ZNF268: variants seen among roughly 807,000 people sequenced by gnomAD.
The protein encoded by ZNF268 is zinc finger protein 268.
A neutral mutation model predicts 29.3 loss-of-function variants in ZNF268; 20 were observed. The ratio of observed to expected loss-of-function variants is 0.68; its 90% CI spans 0.48 to 0.99. ZNF268 has a LOEUF of 0.99. Among genes scored for constraint, ZNF268 ranks in the 50% least tolerant of loss-of-function variants. The probability of loss-of-function intolerance (pLI) is 0.00; values close to 1 mark genes in which losing one functional copy is unlikely to be tolerated. For synonymous variants in ZNF268, 429 were observed against 376.9 expected, an observed-to-expected ratio of 1.14 and a Z score of -1.60; for missense variants, 1,240 against 1,121.6, an observed-to-expected ratio of 1.11 and a Z score of -1.51.
Position 133,193,061 on chromosome 12 carries a change from TCTG to T in ZNF268, c.457+1063_457+1065del, listed in dbSNP as rs1180022485. On this transcript the variant is annotated intron_variant, in intron 5 of 5. Coordinates refer to ENST00000536435, the MANE Select transcript of ZNF268 (RefSeq NM_003415.3). Reference sequence around the variant, plus strand: ...CAGTGACACCTGTTGATCCTGCTCTTCTGCTGCATGACCGAGCACTTTTTCCCT... The same window carrying T: ...CAGTGACACCTGTTGATCCTGCTCTTCTGCATGACCGAGCACTTTTTCCCT... Among the ~76,000 whole-genome samples the T allele has an allele frequency of 5.3e-5, 8 of 152,328 alleles. No individual in the cohort carries two copies. The East Asian group carries it at 1.4e-3, about 26-fold the overall frequency.
chr12:133,184,196 C>G (rs762594953), intron 2 of ZNF268, among the ~76,000 whole-genome samples: 1 of 152,040 alleles, frequency 6.6e-6, no homozygotes, highest in East Asian at 1.9e-4. Flanking sequence ...ACCTCTGCCT[C>G]CCGGGTTCAA....
At chr12:133,184,613 ATTTATTTATTTG>A (rs1441546585) in intron 2 of ZNF268, 3 of 360,798 alleles carry the variant, frequency 8.3e-6, no homozygotes, top group Non-Finnish European at 1.7e-5. Context: ...CTCTTTATTT[ATTTATTTATTTG>A]TTTATTTTTT....
Position 133,206,490 on chromosome 12 carries a change from TACTC to T in ZNF268, c.*1963_*1966del. Reference sequence around the variant, plus strand: ...GTGGTGAAAAACTCTGCCAGTTGCTTACTCACAAAGTTAGTTTTCTTCACTACCT... The same window carrying T: ...GTGGTGAAAAACTCTGCCAGTTGCTTACAAAGTTAGTTTTCTTCACTACCT... On this transcript the variant is annotated 3_prime_UTR_variant, in exon 6 of 6. Coordinates refer to ENST00000536435, the MANE Select transcript of ZNF268 (RefSeq NM_003415.3). 6.6e-6 allele frequency: 1 copy of T among 152,326 alleles called. No individual in the cohort carries two copies. The highest frequency in any genetic ancestry group is 1.9e-4 in the East Asian group (1 of 5,188). 9.4% of individuals were successfully genotyped at this position (152,326 alleles called of 1,614,324 possible).
At chr12:133,200,955 C>T (rs1042171979) in intron 5 of ZNF268, among the ~76,000 whole-genome samples, 22 of 152,072 alleles carry the variant, frequency 1.4e-4, no homozygotes, top group Non-Finnish European at 2.4e-4. Flanking sequence ...CATGTCTCTT[C>T]TCATGTTCCC....
intron 3 of ZNF268, among the ~76,000 whole-genome samples, chr12:133,189,482 T>C (rs1956409221): frequency 6.6e-6 from 1 of 152,164 alleles, no homozygotes; most frequent in Non-Finnish European, 1.5e-5. Flanking sequence ...CCTAAAATGC[T>C]GGGAATACAG....
rs910271295 is a variant in ZNF268, at chr12:133,187,774, C to G, written c.34-98C>G. ...CCTGAAGTTAAACCTGCCTTGTTTT[C>G]TAACGTGTTTCTCTCACATTTATGT... is the stretch of plus-strand genomic sequence containing the variant. On this transcript the variant is annotated intron_variant, in intron 2 of 5. Transcript: ENST00000536435. The G allele has an allele frequency of 1.8e-5, 22 of 1,216,672 alleles. No individual in the cohort carries two copies. In the African/African-American group the frequency reaches 2.2e-4, roughly 12 times the overall value. The allele number at this position is 1,216,672 out of a possible 1,614,324, so 75.4% of individuals were successfully genotyped here.
intron 5 of ZNF268, among the ~76,000 whole-genome samples, chr12:133,196,036 A>G (rs1384312421): frequency 6.6e-6 from 1 of 150,746 alleles, no homozygotes; most frequent in East Asian, 2.0e-4. Flanking sequence ...AAAAAAAAAA[A>G]AAAAAGGCCA....
At position 133,205,302 on chromosome 12, in the gene ZNF268, A is replaced by G. The variant is rs1470468310; in HGVS notation, c.*772A>G. 2.0e-5 allele frequency: 3 copies of G among 152,098 alleles called. No individual in the cohort carries two copies. Among genetic ancestry groups the G allele is most frequent in the African/African-American group, 7.2e-5 (3 of 41,456 alleles). 9.4% of individuals were successfully genotyped at this position (152,098 alleles called of 1,614,324 possible). A position where few individuals can be genotyped will look rare whatever the true frequency, so the allele number is the denominator to read the frequency against. On this transcript the variant is annotated 3_prime_UTR_variant, in exon 6 of 6. Coordinates refer to ENST00000536435, the MANE Select transcript of ZNF268 (RefSeq NM_003415.3). ...TTGAGAAAATTCTCAATTATAAATA[A>G]TAAGATACAGATTATTTCATTGTAC...
At chr12:133,192,229 T>A (rs1033571003) in intron 5 of ZNF268, among the ~76,000 whole-genome samples, 1 of 151,596 alleles carries the variant, frequency 6.6e-6, no homozygotes. Context: ...CGTGTCAGCC[T>A]CCTGAGTAGC....
At chr12:133,191,875 GT>G (rs1001026682) in intron 4 of ZNF268, 32 bp from the exon 5 acceptor site, 1 of 1,601,596 alleles carries the variant, frequency 6.2e-7, no homozygotes, top group African/African-American at 1.3e-5. Flanking sequence ...CAAGCTGTTT[GT>G]TCCAGGTTGT....
At chr12:133,187,787 C>T in intron 2 of ZNF268, 85 bp from the exon 3 acceptor site, 1 of 1,303,028 alleles carries the variant, frequency 7.7e-7, no homozygotes, top group South Asian at 1.4e-5. Context: ...ACGTGTTTCT[C>T]TCACATTTAT....
intron 5 of ZNF268, among the ~76,000 whole-genome samples, chr12:133,194,837 G>T (rs964080458): frequency 6.6e-6 from 1 of 152,102 alleles, no homozygotes; most frequent in Admixed American, 6.6e-5. Flanking sequence ...ACCTTCCTTG[G>T]CCAGGCAGCA....
chr12:133,199,427 A>G (rs1378269461), intron 5 of ZNF268, among the ~76,000 whole-genome samples: 1 of 150,722 alleles, frequency 6.6e-6, no homozygotes, highest in Non-Finnish European at 1.5e-5. Flanking sequence ...GTGCTGCTGG[A>G]TTCGGTTTGC....
intron 2 of ZNF268, among the ~76,000 whole-genome samples, chr12:133,184,242 C>A (rs1202073319): frequency 6.6e-6 from 1 of 151,978 alleles, no homozygotes; most frequent in Non-Finnish European, 1.5e-5. Context: ...AATAGGACTA[C>A]AGGCGTGTGC....
In ZNF268 at chr12:133,202,457, C is replaced by G. The variant is rs372128766; in HGVS notation, c.771C>G (p.Thr257=). 6.2e-7 allele frequency: 1 copy of G among 1,611,280 alleles called. No individual in the cohort carries two copies. Among genetic ancestry groups the G allele is most frequent in the Non-Finnish European group, 8.5e-7 (1 of 1,178,574 alleles). The change falls in exon 6 of 6, where the codon ACC becomes ACG. Residue 257 remains threonine (T), a synonymous_variant. Transcript: ENST00000536435. ...GTGAAAGTATTGAATCTGGAAAAAC[C>G]GTCAATAAGAAATCGCAACTTATGT... ...KYCESIESGK[T]VNKKSQLMCQ... is the part of the protein sequence containing the mutation.
chr12:133,190,215 T>A (rs10747098), intron 3 of ZNF268, among the ~76,000 whole-genome samples: 143,507 of 152,310 alleles, frequency 0.94, 68,949 homozygotes, highest in Middle Eastern at 1. Flanking sequence ...TAGTCTTTTC[T>A]TGTCTGTGAA....
In ZNF268 at chr12:133,214,768, C is replaced by T. The variant is rs946067923; in HGVS notation, c.*10238C>T. On this transcript the variant is annotated 3_prime_UTR_variant, in exon 6 of 6. Coordinates refer to ENST00000536435, the MANE Select transcript of ZNF268 (RefSeq NM_003415.3). ...ATGGACTAAATGTCACAGAAATGTA[C>T]ATTTTTAAAAGTTAATTTTATATTG... 1 of 152,174 alleles carries T rather than the reference C, an allele frequency of 6.6e-6. No homozygotes were observed. The highest frequency in any genetic ancestry group is 2.4e-5 in the African/African-American group (1 of 41,434). The allele number at this position is 152,174 out of a possible 1,614,324, so 9.4% of individuals were successfully genotyped here.
chr12:133,193,858 C>T (rs1250634305), intron 5 of ZNF268, among the ~76,000 whole-genome samples: 3 of 152,274 alleles, frequency 2.0e-5, no homozygotes, highest in East Asian at 1.9e-4. Context: ...AAACTGGAAT[C>T]GTCTCTCCCA....
Position 133,208,827 on chromosome 12 carries a change from T to C in ZNF268, c.*4297T>C, listed in dbSNP as rs1956941682. 6.6e-6 allele frequency: 1 copy of C among 151,702 alleles called. No individual in the cohort carries two copies. The highest frequency in any genetic ancestry group is 2.4e-5 in the African/African-American group (1 of 41,266). The allele number at this position is 151,702 out of a possible 1,614,324, so 9.4% of individuals were successfully genotyped here. ...AAACCCAAAATAAACCACAAACAAA[T>C]GTTTGGAACTGCCAGTAGAGTAGCA... On this transcript the variant is annotated 3_prime_UTR_variant, in exon 6 of 6. Coordinates refer to ENST00000536435, the MANE Select transcript of ZNF268 (RefSeq NM_003415.3).
Sources: gnomAD v4.1 joint callset for allele counts (sites outside exome capture counted in the v4.1 genomes callset) on GRCh38, gnomAD v4.1.1 for gene constraint, MANE v1.5 for transcripts, NCBI Gene and HGNC (gene_info 2026-07-23, HGNC 2026-07-21) for gene names.